Variants in KCNQ2 observed in about 807,000 individuals in gnomAD.
KCNQ2 encodes the protein potassium voltage-gated channel subfamily KQT member 2.
In KCNQ2, 14 loss-of-function variants were observed where a neutral mutation model predicts 84.8. That is an observed-to-expected ratio of 0.17 (90% CI 0.11 to 0.26). The LOEUF is 0.26. KCNQ2 is among the 10% of genes least tolerant of loss of function. KCNQ2 has a pLI of 1.00. For synonymous variants in KCNQ2, 599 were observed against 554.1 expected, an observed-to-expected ratio of 1.08 and a Z score of -1.14; for missense variants, 788 against 1,254.0, an observed-to-expected ratio of 0.63 and a Z score of 5.61.
chr20:63,421,113 T>C (rs2080458518), intron 11 of KCNQ2, among the ~76,000 whole-genome samples: 1 of 152,110 alleles, frequency 6.6e-6, no homozygotes, highest in Non-Finnish European at 1.5e-5. Context: ...GGAAAGAGCA[T>C]GAAGGAGGCA....
intron 8 of KCNQ2, among the ~76,000 whole-genome samples, chr20:63,432,986 C>A (rs2080874568): frequency 6.6e-6 from 1 of 152,208 alleles, no homozygotes; most frequent in Admixed American, 6.5e-5. Context: ...AGTTCCCCAC[C>A]TCAGAGCAGA....
In KCNQ2 at chr20:63,424,186, G is replaced by A. The variant is rs1270343938; in HGVS notation, c.1238C>T (p.Pro413Leu). The A allele has an allele frequency of 4.5e-6, 7 of 1,556,106 alleles. No individual in the cohort carries two copies. The highest frequency in any genetic ancestry group is 6.1e-6 in the Non-Finnish European group (7 of 1,149,238). Residue 413 changes from proline to leucine, a missense_variant, in exon 11 of 17, where the codon CCG (proline) becomes CTG (leucine). By Grantham distance (98) the Pro-to-Leu change is moderately conservative. Transcript: ENST00000359125. ...AGCAGGGGGCACTGACCTTGGAGAC[G>A]GCTCCGGCGGGGGGTCCTTCCTTCA... ...LAFRKDPPPE[P>L]SPSKGSPCRG...
chr20:63,456,847 T>C (rs1035198238), intron 1 of KCNQ2, among the ~76,000 whole-genome samples: 4 of 152,098 alleles, frequency 2.6e-5, no homozygotes, highest in Admixed American at 6.5e-5. Flanking sequence ...TCCAGAACAA[T>C]GTCCATGCTG....
chr20:63,450,230 G>A (rs1024678598), intron 1 of KCNQ2, among the ~76,000 whole-genome samples: 7 of 146,634 alleles, frequency 4.8e-5, no homozygotes, highest in Non-Finnish European at 9.0e-5. Flanking sequence ...CCACTGCTCC[G>A]GAGGGACCTA....
chr20:63,435,604 G>A (rs867328218), intron 7 of KCNQ2, among the ~76,000 whole-genome samples: 12 of 152,160 alleles, frequency 7.9e-5, no homozygotes, highest in South Asian at 6.2e-4. Flanking sequence ...AGTACACGGC[G>A]GCAGGGCTCA....
chr20:63,444,594 C>A (rs2081355994), intron 4 of KCNQ2, 65 bp downstream of exon 4: 2 of 1,380,796 alleles, frequency 1.4e-6, no homozygotes, highest in Non-Finnish European at 1.9e-6. Flanking sequence ...GGGGTGGGGC[C>A]CGGTCTGGGC....
intron 1 of KCNQ2, among the ~76,000 whole-genome samples, chr20:63,465,578 T>C (rs2082059066): frequency 6.6e-6 from 1 of 152,174 alleles, no homozygotes; most frequent in African/African-American, 2.4e-5. Flanking sequence ...CTGGTGAGCG[T>C]AGGGGTCGCA....
chr20:63,448,657 G>A lies in KCNQ2; in HGVS notation c.297-1820C>T, dbSNP rs563345025. The A allele has an allele frequency of 4.9e-4, 75 of 152,388 alleles. No homozygotes were observed. The South Asian group carries it at 0.011, about 23-fold the overall frequency. The allele number at this position is 152,388 out of a possible 1,614,324, so 9.4% of individuals were successfully genotyped here. The stretch of plus-strand genomic sequence containing the variant: ...AGTGCTGCAGTCCAGCCTGGGTTCC[G>A]GGCAGTGTCCCCGCTCCCCTCTCCC... On this transcript the variant is annotated intron_variant, in intron 1 of 16. Coordinates refer to ENST00000359125, the MANE Select transcript of KCNQ2 (RefSeq NM_172107.4).
At chr20:63,465,977 G>A (rs1424466195) in intron 1 of KCNQ2, among the ~76,000 whole-genome samples, 4 of 152,116 alleles carry the variant, frequency 2.6e-5, no homozygotes, top group Admixed American at 6.5e-5. Context: ...TCTCTGGCGC[G>A]GTCTGCGTGG....
At chr20:63,451,277 G>A (rs1331236254) in intron 1 of KCNQ2, among the ~76,000 whole-genome samples, 1 of 152,136 alleles carries the variant, frequency 6.6e-6, no homozygotes, top group Non-Finnish European at 1.5e-5. Context: ...ACAGTCACCT[G>A]CAGCAGCCCA....
Position 63,433,843 on chromosome 20 carries a change from A to G in KCNQ2, c.1084T>C (p.Tyr362His). 1 of 1,613,922 alleles carries G rather than the reference A, an allele frequency of 6.2e-7. No individual in the cohort carries two copies. The highest frequency in any genetic ancestry group is 8.5e-7 in the Non-Finnish European group (1 of 1,179,884). Residue 362 changes from tyrosine (Y) to histidine (H), a missense_variant, in exon 8 of 17, where the codon TAC (tyrosine) becomes CAC (histidine). Transcript: ENST00000359125. ...SRTDLHSTWQ[Y>H]YERTVTVPMY... ...GGCACGGTGACCGTTCGCTCGTAGT[A>G]CTGCCACGTGGAGTGCAGGTCTGTG... is the stretch of plus-strand genomic sequence containing the variant.
intron 10 of KCNQ2, among the ~76,000 whole-genome samples, chr20:63,426,147 T>A (rs975392526): frequency 6.6e-6 from 1 of 152,222 alleles, no homozygotes; most frequent in African/African-American, 2.4e-5. Flanking sequence ...CGATGCCCTC[T>A]TACCTTCGTC....
chr20:63,424,362 C>A, intron 10 of KCNQ2, 156 bp from the exon 11 acceptor site: 1 of 827,234 alleles, frequency 1.2e-6, no homozygotes, highest in Non-Finnish European at 1.9e-6. Context: ...CCCACCCACC[C>A]CAGAGAGCCC....
At position 63,414,215 on chromosome 20, in the gene KCNQ2, G is replaced by T; in HGVS notation, c.1526-22C>A. The stretch of plus-strand genomic sequence containing the variant: ...GCTTCTGGGGGGAAGGAGACAGGCC[G>T]TGAGGGGCCGAGGGGGCCGGGAGAC... On this transcript the variant is annotated intron_variant, in intron 13 of 16. Coordinates refer to ENST00000359125, the MANE Select transcript of KCNQ2 (RefSeq NM_172107.4). This position sits in a 1 kb window ranked among gnomAD's most constrained non-coding sequence, Gnocchi z 6.6. 6.4e-7 allele frequency: 1 copy of T among 1,564,910 alleles called. No homozygotes were observed. Among genetic ancestry groups the T allele is most frequent in the Non-Finnish European group, 8.8e-7 (1 of 1,136,044 alleles).
At position 63,406,000 on chromosome 20, in the gene KCNQ2, G is replaced by C. The variant is rs1162121019; in HGVS notation, c.*644C>G. The stretch of plus-strand genomic sequence containing the variant: ...CTGCAGGCGAAGGTCTCCACCTCGG[G>C]GCTGGCTTCCATGGAAAGAGCCCTC... On this transcript the variant is annotated 3_prime_UTR_variant, in exon 17 of 17. Transcript: ENST00000359125. 4 of 152,304 alleles carry C rather than the reference G, an allele frequency of 2.6e-5. No homozygotes were observed. Among genetic ancestry groups the C allele is most frequent in the African/African-American group, 9.7e-5 (4 of 41,448 alleles). 9.4% of individuals were successfully genotyped at this position (152,304 alleles called of 1,614,324 possible).
chr20:63,472,270 C>T lies in KCNQ2; in HGVS notation c.194G>A (p.Gly65Glu). 1 of 1,538,014 alleles carries T rather than the reference C, an allele frequency of 6.5e-7. No individual in the cohort carries two copies. The highest frequency in any genetic ancestry group is 1.2e-5 in the South Asian group (1 of 82,406). Residue 65 changes from glycine (G) to glutamate (E), a missense_variant, in exon 1 of 17, where the codon GGG (glycine) becomes GAG (glutamate). This residue lies in a region of KCNQ2 where 106 missense variants were observed against 214.8 expected (regional missense o/e 0.49). Coordinates refer to ENST00000359125, the MANE Select transcript of KCNQ2 (RefSeq NM_172107.4). ...SKPRAGGAGA[G>E]KPPKRNAFYR... The stretch of plus-strand genomic sequence containing the variant: ...GAAGGCGTTGCGCTTGGGGGGCTTC[C>T]CGGCGCCCGCGCCGCCCGCGCGAGG...
chr20:63,408,405 T>C lies in KCNQ2; in HGVS notation c.1887+8A>G. ...AGCCCCGCACCCCTCCCGCCCAGCC[T>C]CTCGCACCTGCTTCTCCACCTTCCC... is the stretch of plus-strand genomic sequence containing the variant. On this transcript the variant is annotated splice_region_variant and intron_variant, in intron 16 of 16. Coordinates refer to ENST00000359125, the MANE Select transcript of KCNQ2 (RefSeq NM_172107.4). This position sits in a 1 kb window ranked among gnomAD's most constrained non-coding sequence, Gnocchi z 5.0. 1 of 1,607,006 alleles carries C rather than the reference T, an allele frequency of 6.2e-7. No individual in the cohort carries two copies. Among genetic ancestry groups the C allele is most frequent in the South Asian group, 1.1e-5 (1 of 90,792 alleles).
Position 63,408,600 on chromosome 20 carries a change from C to T in KCNQ2, c.1764-64G>A. On this transcript the variant is annotated intron_variant, in intron 15 of 16. Coordinates refer to ENST00000359125, the MANE Select transcript of KCNQ2 (RefSeq NM_172107.4). The surrounding 1 kb of genome is among the most constrained non-coding windows in gnomAD (Gnocchi z 5.0). ...GGTGCAGCAGGGCCCCTGCCCTCTC[C>T]TCCTGGACCAGGCCACAGTGCCCCT... 6.3e-7 allele frequency: 1 copy of T among 1,587,858 alleles called. No individual in the cohort carries two copies. The highest frequency in any genetic ancestry group is 8.5e-7 in the Non-Finnish European group (1 of 1,170,518).
In KCNQ2 at chr20:63,401,476, G is replaced by A. The variant is rs2079807215; in HGVS notation, c.*5168C>T. The A allele has an allele frequency of 6.6e-6, 1 of 152,534 alleles. No homozygotes were observed. The highest frequency in any genetic ancestry group is 2.1e-4 in the South Asian group (1 of 4,852). 9.4% of individuals were successfully genotyped at this position (152,534 alleles called of 1,614,324 possible). ...CCCACATCCTTCAGGAAGCCGCCCT[G>A]GCTGTCTCTCCGGCTGCTTAGCGCT... On this transcript the variant is annotated 3_prime_UTR_variant, in exon 17 of 17. Transcript: ENST00000359125.
Sources: gnomAD v4.1 joint callset for allele counts (sites outside exome capture counted in the v4.1 genomes callset) on GRCh38, gnomAD v4.1.1 for gene constraint, gnomAD v4.1.1 regional missense constraint, Gnocchi (gnomAD v3.1) non-coding constraint, MANE v1.5 for transcripts, NCBI Gene and HGNC (gene_info 2026-07-23, HGNC 2026-07-21) for gene names.